The following KDM4C variants were observed in gnomAD, a reference collection of about 807,000 sequenced individuals.
The protein encoded by KDM4C is lysine-specific demethylase 4C.
Under a neutral mutation model 129.3 loss-of-function variants are expected in KDM4C, and 81 were observed. The ratio of observed to expected loss-of-function variants is 0.63; its 90% CI spans 0.52 to 0.75. The LOEUF (loss-of-function observed/expected upper bound fraction) is 0.75, where lower values mean the gene tolerates loss of function less well. Among genes scored for constraint, KDM4C ranks in the 30% least tolerant of loss-of-function variants. KDM4C has a pLI of 0.00. For missense variants in KDM4C, 1,457 were observed against 1,304.0 expected, an observed-to-expected ratio of 1.12 and a Z score of -1.81; for synonymous variants, 573 against 456.1, an observed-to-expected ratio of 1.26 and a Z score of -3.26.
chr9:6,864,475 G>C (rs1256691302), intron 5 of KDM4C, among the ~76,000 whole-genome samples: 1 of 151,852 alleles, frequency 6.6e-6, no homozygotes, highest in South Asian at 2.1e-4. Flanking sequence ...ATATGCCTTG[G>C]GGTAATCTTA....
intron 1 of KDM4C, among the ~76,000 whole-genome samples, chr9:6,729,482 G>A (rs1817253170): frequency 7.6e-6 from 1 of 132,084 alleles, no homozygotes. Context: ...GTGGGGCGGA[G>A]GTTGCAGTGA....
Position 7,140,835 on chromosome 9 carries a change from A to G in KDM4C, c.2781+12599A>G, listed in dbSNP as rs185923032. 1.4e-4 allele frequency among the ~76,000 whole-genome samples: 22 copies of G among 152,390 alleles called. No individual in the cohort carries two copies. The East Asian group carries it at 4.2e-3, about 29-fold the overall frequency. ...TATAAAAGATGTGCTTCGAATTGAGAGAAGTCCTGGGATGACAGGAATATG... is the reference window on the plus strand; with the variant it reads ...TATAAAAGATGTGCTTCGAATTGAGGGAAGTCCTGGGATGACAGGAATATG... On this transcript the variant is annotated intron_variant, in intron 19 of 21. Transcript: ENST00000381309.
rs563306160 is a variant in KDM4C at position 7,066,483 on chromosome 9, T to C, written c.2424+17283T>C. On this transcript the variant is annotated intron_variant, in intron 17 of 21. Coordinates refer to ENST00000381309, the MANE Select transcript of KDM4C (RefSeq NM_015061.6). ...CTAATGTCAGGATATTTACATAGTATAGATCATTTAAACAAATATACTCTT... is the reference window on the plus strand; with the variant it reads ...CTAATGTCAGGATATTTACATAGTACAGATCATTTAAACAAATATACTCTT... 1.6e-4 allele frequency among the ~76,000 whole-genome samples: 24 copies of C among 152,362 alleles called. 1 individual carries two copies. Among genetic ancestry groups the C allele is most frequent in the Admixed American group, 1.5e-3 (23 of 15,304 alleles).
At chr9:6,802,441 A>T (rs180733413) in intron 2 of KDM4C, among the ~76,000 whole-genome samples, 235 of 152,348 alleles carry the variant, frequency 1.5e-3, no homozygotes, top group African/African-American at 5.6e-3. Context: ...ACCCATGTGC[A>T]TATATGCACT....
At chr9:6,886,993 C>G (rs534064576) in intron 6 of KDM4C, among the ~76,000 whole-genome samples, 2 of 152,214 alleles carry the variant, frequency 1.3e-5, no homozygotes, top group African/African-American at 4.8e-5. Context: ...CAGTTTCCCC[C>G]CTCATTCTGG....
intron 6 of KDM4C, among the ~76,000 whole-genome samples, chr9:6,881,069 G>A (rs988458382): frequency 3.9e-5 from 6 of 152,112 alleles, no homozygotes; most frequent in Non-Finnish European, 8.8e-5. Flanking sequence ...GGTGTGTTAG[G>A]TTTGCCTTCT....
Position 6,766,731 on chromosome 9 carries a change from G to A in KDM4C, c.-18+8528G>A, listed in dbSNP as rs562415738. Among the ~76,000 whole-genome samples the A allele has an allele frequency of 4.5e-4, 69 of 151,890 alleles. 1 individual carries two copies. The highest frequency in any genetic ancestry group is 1.5e-3 in the African/African-American group (62 of 41,404). On this transcript the variant is annotated intron_variant, in intron 1 of 21. Coordinates refer to ENST00000381309, the MANE Select transcript of KDM4C (RefSeq NM_015061.6). The stretch of plus-strand genomic sequence containing the variant: ...ATGATCACATAGTTTTTGGTGACAG[G>A]TAGGCAGGCCCCAGCTGATGGGTAG...
intron 4 of KDM4C, among the ~76,000 whole-genome samples, chr9:6,820,162 T>G (rs1647164168): frequency 6.6e-6 from 1 of 152,146 alleles, no homozygotes; most frequent in Non-Finnish European, 1.5e-5. Flanking sequence ...GCAGTGGGCT[T>G]GACTCTTTGC....
At chr9:6,970,319 C>T (rs570805193) in intron 8 of KDM4C, among the ~76,000 whole-genome samples, 5 of 152,286 alleles carry the variant, frequency 3.3e-5, no homozygotes, top group African/African-American at 1.2e-4. Flanking sequence ...TATACTTCTG[C>T]CCTCCCTCTT....
chr9:7,160,147 C>T (rs1173801766), intron 19 of KDM4C, among the ~76,000 whole-genome samples: 2 of 152,178 alleles, frequency 1.3e-5, no homozygotes, highest in East Asian at 1.9e-4. Flanking sequence ...GTGCGTGCGT[C>T]ACAAAGTTCT....
intron 4 of KDM4C, among the ~76,000 whole-genome samples, chr9:6,837,705 T>G (rs1836146792): frequency 6.6e-6 from 1 of 152,226 alleles, no homozygotes. Context: ...TATTTGGAAT[T>G]CTTTATTCTG....
intron 17 of KDM4C, among the ~76,000 whole-genome samples, chr9:7,050,512 CA>C (rs1414801856): frequency 6.9e-6 from 1 of 145,330 alleles, no homozygotes; most frequent in Admixed American, 6.9e-5. Context: ...ATATGATATC[CA>C]AAAAAAAGTT....
chr9:6,884,789 G>T (rs747482546), intron 6 of KDM4C, among the ~76,000 whole-genome samples: 2 of 152,138 alleles, frequency 1.3e-5, no homozygotes, highest in Non-Finnish European at 2.9e-5. Context: ...AATTTTTGGT[G>T]ATTTAATACT....
intron 18 of KDM4C, among the ~76,000 whole-genome samples, chr9:7,118,126 G>GT (rs1436206708): frequency 3.9e-5 from 6 of 152,166 alleles, no homozygotes; most frequent in South Asian, 4.1e-4. Flanking sequence ...AAAAAAATTA[G>GT]TTTTTTCTCA....
intron 8 of KDM4C, among the ~76,000 whole-genome samples, chr9:6,955,427 A>G (rs1416246512): frequency 6.6e-6 from 1 of 152,238 alleles, no homozygotes; most frequent in Non-Finnish European, 1.5e-5. Context: ...GCAGTGGACC[A>G]TGACTCAGGC....
chr9:7,173,698 C>T (rs575619880), intron 21 of KDM4C, among the ~76,000 whole-genome samples: 1 of 152,162 alleles, frequency 6.6e-6, no homozygotes, highest in African/African-American at 2.4e-5. Flanking sequence ...GCCAATGTAA[C>T]TGGGTGCATG....
chr9:6,810,584 A>T, intron 3 of KDM4C, among the ~76,000 whole-genome samples: 1 of 152,082 alleles, frequency 6.6e-6, no homozygotes, highest in East Asian at 1.9e-4. Flanking sequence ...TTTTGAAGTT[A>T]ATTTACGCTG....
At chr9:7,075,626 A>T (rs1323624309) in intron 17 of KDM4C, among the ~76,000 whole-genome samples, 1 of 152,120 alleles carries the variant, frequency 6.6e-6, no homozygotes, top group African/African-American at 2.4e-5. Context: ...TCCTCACCAC[A>T]TGCAGATGCC....
Position 7,054,080 on chromosome 9 carries a change from T to C in KDM4C, c.2424+4880T>C, listed in dbSNP as rs145200453. ...TGGGAAAAGTTATCCTTGTGGCAAG[T>C]CCTATTACTGCAAACCCCTTCCCTG... On this transcript the variant is annotated intron_variant, in intron 17 of 21. Transcript: ENST00000381309. Among the ~76,000 whole-genome samples the C allele has an allele frequency of 9.2e-5, 14 of 152,352 alleles. No homozygotes were observed. The East Asian group carries it at 2.7e-3, about 29-fold the overall frequency.
Sources: gnomAD v4.1 joint callset for allele counts (sites outside exome capture counted in the v4.1 genomes callset) on GRCh38, gnomAD v4.1.1 for gene constraint, MANE v1.5 for transcripts, NCBI Gene and HGNC (gene_info 2026-07-23, HGNC 2026-07-21) for gene names.